The following LRBA variants were observed in gnomAD, a reference collection of about 807,000 sequenced individuals.
LRBA encodes the protein lipopolysaccharide-responsive and beige-like anchor protein.
A neutral mutation model predicts 330.0 loss-of-function variants in LRBA; 176 were observed. That is an observed-to-expected ratio of 0.53 (90% CI 0.47 to 0.60). The LOEUF (loss-of-function observed/expected upper bound fraction) is 0.60, where lower values mean the gene tolerates loss of function less well. LRBA is among the 20% of genes least tolerant of loss of function. The probability of loss-of-function intolerance (pLI) is 0.00; values close to 1 mark genes in which losing one functional copy is unlikely to be tolerated. For missense variants in LRBA, 3,259 were observed against 3,444.8 expected, an observed-to-expected ratio of 0.95 and a Z score of 1.35; for synonymous variants, 1,230 against 1,193.0, an observed-to-expected ratio of 1.03 and a Z score of -0.64.
rs148183241 is a variant in LRBA at position 150,858,954 on chromosome 4, T to C, written c.2767-6011A>G. Among the ~76,000 whole-genome samples the C allele has an allele frequency of 2.7e-3, 411 of 152,170 alleles. 2 individuals carry two copies. Among genetic ancestry groups the C allele is most frequent in the African/African-American group, 9.5e-3 (396 of 41,544 alleles). ...TTAAAAAATAATTTTAATAAACCAA[T>C]TAGAGAATTCTTTAAAAAAAAATCT... On this transcript the variant is annotated intron_variant, in intron 22 of 56. Coordinates refer to ENST00000651943, the MANE Select transcript of LRBA (RefSeq NM_001364905.1).
chr4:150,377,222 T>G (rs1741484601), intron 47 of LRBA, among the ~76,000 whole-genome samples: 1 of 151,600 alleles, frequency 6.6e-6, no homozygotes, highest in South Asian at 2.1e-4. Context: ...TATCCACAGG[T>G]CTGTCCCTTA....
At chr4:150,907,159 A>G (rs1268475349) in intron 11 of LRBA, among the ~76,000 whole-genome samples, 1 of 143,004 alleles carries the variant, frequency 7.0e-6, no homozygotes, top group Admixed American at 7.1e-5. Context: ...GAGAGAGAGA[A>G]AGCATGACCA....
chr4:150,540,008 T>G (rs1206363387), intron 40 of LRBA, among the ~76,000 whole-genome samples: 2 of 152,246 alleles, frequency 1.3e-5, no homozygotes, highest in Non-Finnish European at 2.9e-5. Context: ...TATGTATTTA[T>G]GTCATTTGAA....
chr4:150,742,244 C>T (rs1732111039), intron 35 of LRBA, among the ~76,000 whole-genome samples: 1 of 151,138 alleles, frequency 6.6e-6, no homozygotes, highest in Non-Finnish European at 1.5e-5. Context: ...CTCCCAAGCT[C>T]AAGTGATCTG....
At chr4:150,606,576 C>G (rs1774653780) in intron 37 of LRBA, among the ~76,000 whole-genome samples, 1 of 152,114 alleles carries the variant, frequency 6.6e-6, no homozygotes, top group African/African-American at 2.4e-5. Context: ...CTACTCTGTG[C>G]TACACACTGT....
At chr4:150,517,884 G>A (rs183865881) in intron 40 of LRBA, among the ~76,000 whole-genome samples, 3 of 152,158 alleles carry the variant, frequency 2.0e-5, no homozygotes, top group Admixed American at 1.3e-4. Context: ...CAGACTTTCC[G>A]CCCACAAATG....
chr4:150,549,341 AT>A (rs1033442629), intron 40 of LRBA, among the ~76,000 whole-genome samples: 7 of 147,076 alleles, frequency 4.8e-5, no homozygotes, highest in Non-Finnish European at 9.0e-5. Flanking sequence ...TTATTTTTTT[AT>A]TTTTTTTTAG....
chr4:150,401,845 GT>G (rs1745505852), intron 47 of LRBA, among the ~76,000 whole-genome samples: 1 of 151,904 alleles, frequency 6.6e-6, no homozygotes, highest in Non-Finnish European at 1.5e-5. Flanking sequence ...AAAATATTGT[GT>G]GTATATATAA....
intron 47 of LRBA, among the ~76,000 whole-genome samples, chr4:150,380,187 C>A (rs10031864): frequency 0.84 from 126,451 of 150,040 alleles, 54,845 homozygotes; most frequent in Non-Finnish European, 0.95. Context: ...CTCAAAAAAA[C>A]AAAACAAAAC....
At chr4:150,633,894 C>G (rs1054163810) in intron 37 of LRBA, among the ~76,000 whole-genome samples, 8 of 152,190 alleles carry the variant, frequency 5.3e-5, no homozygotes, top group African/African-American at 1.9e-4. Flanking sequence ...GTGGGTGGAT[C>G]ACCTGAGGTC....
intron 48 of LRBA, among the ~76,000 whole-genome samples, chr4:150,336,750 C>T (rs1237889680): frequency 1.3e-5 from 2 of 152,188 alleles, no homozygotes; most frequent in African/African-American, 4.8e-5. Context: ...TGAGTCCCAA[C>T]CCAGCCTCAC....
At chr4:150,513,368 TA>T in intron 40 of LRBA, among the ~76,000 whole-genome samples, 1 of 152,324 alleles carries the variant, frequency 6.6e-6, no homozygotes, top group Non-Finnish European at 1.5e-5. Context: ...AATGATGCTT[TA>T]TAAGGCAGAG....
intron 22 of LRBA, among the ~76,000 whole-genome samples, chr4:150,859,312 T>C (rs1751611429): frequency 6.6e-6 from 1 of 152,178 alleles, no homozygotes; most frequent in African/African-American, 2.4e-5. Context: ...AAGGTGTTAG[T>C]TTTATGTGTT....
chr4:150,867,806 A>C lies in LRBA; in HGVS notation c.2631T>G (p.Asn877Lys). ...TCTTTTGCTCATCTGAATTCTTAGG[A>C]TTAAAATAGCAGAGAGAAAGCATCC... is the stretch of plus-strand genomic sequence containing the variant. ...QEWMLSLCYF[N>K]PKNSDEQKIT... is the part of the protein sequence containing the mutation. The change falls in exon 22 of 57, where the codon AAT (asparagine) becomes AAG (lysine). Residue 877 changes from asparagine (N) to lysine (K), a missense_variant. Coordinates refer to ENST00000651943, the MANE Select transcript of LRBA (RefSeq NM_001364905.1). 6.2e-7 allele frequency: 1 copy of C among 1,613,794 alleles called. No individual in the cohort carries two copies. The highest frequency in any genetic ancestry group is 8.5e-7 in the Non-Finnish European group (1 of 1,179,824).
At chr4:150,748,767 A>T (rs918851938) in intron 35 of LRBA, among the ~76,000 whole-genome samples, 3 of 152,220 alleles carry the variant, frequency 2.0e-5, no homozygotes, top group Admixed American at 2.0e-4. Flanking sequence ...TCTCCAATGC[A>T]ATAGTATTAA....
intron 2 of LRBA, among the ~76,000 whole-genome samples, chr4:150,978,528 A>C (rs1740466517): frequency 2.0e-5 from 3 of 152,150 alleles, no homozygotes. Flanking sequence ...TCACCAAAAA[A>C]CTACATAAAG....
intron 37 of LRBA, among the ~76,000 whole-genome samples, chr4:150,635,129 C>A (rs1024689708): frequency 1.3e-5 from 2 of 152,150 alleles, no homozygotes; most frequent in Non-Finnish European, 2.9e-5. Context: ...AGATTAGCAT[C>A]CGAGACGGAG....
intron 37 of LRBA, among the ~76,000 whole-genome samples, chr4:150,619,628 T>C (rs909616899): frequency 2.6e-5 from 4 of 152,176 alleles, no homozygotes; most frequent in Non-Finnish European, 4.4e-5. Context: ...AATTTTGTTA[T>C]TCCTAAGATT....
chr4:150,283,308 T>G (rs1205940932), intron 54 of LRBA, among the ~76,000 whole-genome samples: 1 of 152,152 alleles, frequency 6.6e-6, no homozygotes, highest in East Asian at 1.9e-4. Context: ...TCCCAACGCC[T>G]GGGTGGACCA....
Sources: allele counts gnomAD v4.1 joint callset (sites outside exome capture counted in the v4.1 genomes callset), GRCh38; gene constraint gnomAD v4.1.1; transcripts MANE v1.5; gene names NCBI Gene and HGNC (gene_info 2026-07-23, HGNC 2026-07-21).